The following INO80 variants were observed in gnomAD, a reference collection of about 807,000 sequenced individuals.
INO80 encodes the protein chromatin-remodeling ATPase INO80.
Under a neutral mutation model 203.4 loss-of-function variants are expected in INO80, and 20 were observed. The ratio of observed to expected loss-of-function variants is 0.10; its 90% CI spans 0.07 to 0.14. INO80 has a LOEUF of 0.14. Among genes scored for constraint, INO80 ranks in the 10% least tolerant of loss-of-function variants. INO80 has a pLI of 1.00. For missense variants in INO80, 1,419 were observed against 1,914.4 expected, an observed-to-expected ratio of 0.74 and a Z score of 4.83; for synonymous variants, 726 against 685.2, an observed-to-expected ratio of 1.06 and a Z score of -0.93.
chr15:41,020,624 CTAAGT>C (rs2044279101), intron 26 of INO80, among the ~76,000 whole-genome samples: 1 of 136,546 alleles, frequency 7.3e-6, no homozygotes, highest in Non-Finnish European at 1.6e-5. Flanking sequence ...GCCTTTCCTA[CTAAGT>C]TTATTTCTAC....
At chr15:41,062,806 T>C (rs982448695) in intron 14 of INO80, among the ~76,000 whole-genome samples, 1 of 152,188 alleles carries the variant, frequency 6.6e-6, no homozygotes, top group African/African-American at 2.4e-5. Flanking sequence ...GACGCCTCAC[T>C]TTTTGACTTC....
chr15:40,983,064 C>T lies in INO80; in HGVS notation c.4251G>A (p.Gln1417=), dbSNP rs768493706. Residue 1417 remains glutamine (Q), a synonymous_variant, in exon 35 of 36, where the codon CAG becomes CAA. Transcript: ENST00000648947. ...GACCACGTCCTGCAGCTGGCATTTC[C>T]TGAATGGAAATTCCTGTGGGAACAA... ...VSDTVNGISI[Q]EMPAAGRGHS... The T allele has an allele frequency of 2.5e-6, 4 of 1,613,290 alleles. No homozygotes were observed. The highest frequency in any genetic ancestry group is 3.4e-6 in the Non-Finnish European group (4 of 1,179,792).
chr15:41,077,574 T>C (rs893399739), intron 9 of INO80, among the ~76,000 whole-genome samples: 5 of 152,166 alleles, frequency 3.3e-5, no homozygotes, highest in Admixed American at 6.5e-5. Flanking sequence ...TTTGTTTTTT[T>C]CTGAAGAGAT....
chr15:41,088,857 T>C (rs988580573), intron 5 of INO80, among the ~76,000 whole-genome samples: 3 of 152,138 alleles, frequency 2.0e-5, no homozygotes, highest in African/African-American at 7.2e-5. Flanking sequence ...CTTTCCTATA[T>C]GTATGTTTTA....
rs1049126692 is a variant in INO80 at position 40,989,349 on chromosome 15, A to G, written c.3571-1375T>C. ...GCAACAAACAAATTAACAACAAAAT[A>G]TATCACCACTAAGTGAGTGATCCTA... On this transcript the variant is annotated intron_variant, in intron 29 of 35. Transcript: ENST00000648947. Among the ~76,000 whole-genome samples the G allele has an allele frequency of 3.3e-5, 5 of 152,180 alleles. 1 individual carries two copies. Among genetic ancestry groups the G allele is most frequent in the Non-Finnish European group, 7.3e-5 (5 of 68,038 alleles).
At chr15:41,029,519 T>G (rs1235530397) in intron 24 of INO80, among the ~76,000 whole-genome samples, 60 of 152,224 alleles carry the variant, frequency 3.9e-4, no homozygotes, top group Non-Finnish European at 1.2e-4. Flanking sequence ...TTACAACATT[T>G]GATATACTGC....
intron 24 of INO80, among the ~76,000 whole-genome samples, chr15:41,042,023 T>C (rs2044677391): frequency 6.7e-6 from 1 of 150,032 alleles, no homozygotes; most frequent in Admixed American, 6.6e-5. Context: ...TAATTTTTTT[T>C]TTTTTTTTGA....
intron 1 of INO80, among the ~76,000 whole-genome samples, chr15:41,100,580 G>A (rs1267220960): frequency 6.6e-6 from 1 of 152,090 alleles, no homozygotes; most frequent in Non-Finnish European, 1.5e-5. Context: ...TGGCTGAAAT[G>A]ACAGCTGCAA....
chr15:41,071,728 T>C, intron 12 of INO80, 121 bp downstream of exon 12: 1 of 842,208 alleles, frequency 1.2e-6, no homozygotes, highest in Non-Finnish European at 1.9e-6. Context: ...CCCAAAGTGC[T>C]GGAATTGCAG....
chr15:41,111,171 C>T (rs1257902430), intron 1 of INO80, among the ~76,000 whole-genome samples: 1 of 152,170 alleles, frequency 6.6e-6, no homozygotes, highest in East Asian at 1.9e-4. Context: ...ATAGGCCAGC[C>T]GTGGTGGTTC....
chr15:41,091,850 C>T (rs1419479942), intron 5 of INO80, among the ~76,000 whole-genome samples, 177 bp downstream of exon 5: 1 of 151,856 alleles, frequency 6.6e-6, no homozygotes, highest in Non-Finnish European at 1.5e-5. Context: ...CAGGGGGTTT[C>T]ACCATGTTGG....
intron 1 of INO80, chr15:41,108,846 AC>A (rs1373386366): frequency 6.6e-6 from 1 of 152,332 alleles, no homozygotes; most frequent in Non-Finnish European, 1.5e-5. Context: ...GAACCTTTGT[AC>A]AAAACAGATA....
chr15:41,032,998 A>T (rs557077733), intron 24 of INO80, among the ~76,000 whole-genome samples: 10 of 152,282 alleles, frequency 6.6e-5, no homozygotes, highest in African/African-American at 2.4e-4. Context: ...AGACCACACC[A>T]TTGCACTCCA....
chr15:40,988,274 G>T (rs1429146235), intron 29 of INO80, among the ~76,000 whole-genome samples: 1 of 152,058 alleles, frequency 6.6e-6, no homozygotes, highest in Non-Finnish European at 1.5e-5. Context: ...AACACTTACA[G>T]TGCATTGTTC....
chr15:41,047,394 A>C lies in INO80; in HGVS notation c.2735+14T>G. The C allele has an allele frequency of 1.3e-6, 2 of 1,590,074 alleles. No individual in the cohort carries two copies. The highest frequency in any genetic ancestry group is 1.7e-6 in the Non-Finnish European group (2 of 1,159,156). On this transcript the variant is annotated intron_variant, in intron 23 of 35. Transcript: ENST00000648947. ...CTAACTGGCCTCTTATCAAGCAATAAGCAAACCTCTCACCTGGCCAAAAGT... is the reference window on the plus strand; with the variant it reads ...CTAACTGGCCTCTTATCAAGCAATACGCAAACCTCTCACCTGGCCAAAAGT...
chr15:41,006,909 G>A (rs751142481), intron 27 of INO80, among the ~76,000 whole-genome samples: 1 of 152,164 alleles, frequency 6.6e-6, no homozygotes, highest in Non-Finnish European at 1.5e-5. Flanking sequence ...ATACTTAGTG[G>A]TATTGCTATA....
At chr15:41,075,754 C>A (rs567979781) in intron 9 of INO80, among the ~76,000 whole-genome samples, 50 of 151,848 alleles carry the variant, frequency 3.3e-4, no homozygotes, top group African/African-American at 1.1e-3. Flanking sequence ...ATGCCCAGCC[C>A]GTATTGTTGT....
At chr15:41,075,085 T>C (rs1237150246) in intron 9 of INO80, among the ~76,000 whole-genome samples, 1 of 152,158 alleles carries the variant, frequency 6.6e-6, no homozygotes, top group African/African-American at 2.4e-5. Flanking sequence ...TGTTTTGCTC[T>C]CCTTTATACT....
chr15:41,040,854 T>A (rs536988494), intron 24 of INO80, among the ~76,000 whole-genome samples: 1 of 151,412 alleles, frequency 6.6e-6, no homozygotes, highest in East Asian at 1.9e-4. Context: ...ATTTGTAATA[T>A]ACAAAGAACT....
Sources: allele counts gnomAD v4.1 joint callset (sites outside exome capture counted in the v4.1 genomes callset), GRCh38; gene constraint gnomAD v4.1.1; transcripts MANE v1.5; gene names NCBI Gene and HGNC (gene_info 2026-07-23, HGNC 2026-07-21).